Variants in PACSIN2 observed in about 807,000 individuals in gnomAD.
PACSIN2 encodes the protein protein kinase C and casein kinase substrate in neurons protein 2.
Under a neutral mutation model 63.8 loss-of-function variants are expected in PACSIN2, and 25 were observed. The observed-to-expected ratio is 0.39, with a 90% CI of 0.29 to 0.55. The LOEUF (loss-of-function observed/expected upper bound fraction) is 0.55. PACSIN2 is among the 20% of genes least tolerant of loss of function. PACSIN2 has a pLI of 0.62. For missense variants in PACSIN2, 518 were observed against 646.9 expected (o/e 0.80, Z 2.16); for synonymous variants, 255 against 256.2 (o/e 1.00, Z 0.05).
intron 1 of PACSIN2, among the ~76,000 whole-genome samples, chr22:42,955,304 C>CG: frequency 1.3e-5 from 2 of 152,120 alleles, no homozygotes; most frequent in African/African-American, 4.8e-5. Flanking sequence ...AATGAACAAA[C>CG]AAACGAACGA....
chr22:43,011,480 C>T (rs1365634427), intron 1 of PACSIN2, among the ~76,000 whole-genome samples: 5 of 152,220 alleles, frequency 3.3e-5, no homozygotes, highest in Non-Finnish European at 5.9e-5. Flanking sequence ...GGTGCCATCA[C>T]TATTATTAAA....
chr22:42,924,766 T>C (rs551690545), intron 1 of PACSIN2, among the ~76,000 whole-genome samples: 106 of 151,548 alleles, frequency 7.0e-4, no homozygotes, highest in African/African-American at 2.4e-3. Flanking sequence ...TTTCTTTTTT[T>C]TTTTTTTCGA....
chr22:42,904,274 T>A (rs1490231316), intron 2 of PACSIN2, among the ~76,000 whole-genome samples: 2 of 152,348 alleles, frequency 1.3e-5, no homozygotes, highest in East Asian at 3.9e-4. Context: ...GGCGTTCACA[T>A]GCACAGCATA....
In PACSIN2 at chr22:42,982,880, A is replaced by AC. The variant is rs1365408766; in HGVS notation, c.-78+32140_-78+32141insG. Among the ~76,000 whole-genome samples, 792 of 134,068 alleles carry AC rather than the reference A, an allele frequency of 5.9e-3. 45 individuals carry two copies. Among genetic ancestry groups the AC allele is most frequent in the African/African-American group, 0.021 (744 of 34,892 alleles). 88.0% of individuals were successfully genotyped at this position (134,068 alleles called of 152,430 possible). A position where few individuals can be genotyped will look rare whatever the true frequency, so the allele number is the denominator to read the frequency against. On this transcript the variant is annotated intron_variant, in intron 1 of 10. Coordinates refer to ENST00000263246, the MANE Select transcript of PACSIN2 (RefSeq NM_001184970.3). ...CAAAGAATGATCAATAAAAAAAAAA[A>AC]AAAAAAAAAACAACAACAAGGCTAG...
intron 10 of PACSIN2, among the ~76,000 whole-genome samples, chr22:42,875,049 A>G (rs1928497894): frequency 6.6e-6 from 1 of 151,604 alleles, no homozygotes; most frequent in African/African-American, 2.4e-5. Context: ...ACGGGGTTTC[A>G]CACTCTTAGC....
intron 1 of PACSIN2, among the ~76,000 whole-genome samples, chr22:42,953,504 G>A (rs58586262): frequency 0.026 from 3,905 of 152,260 alleles, 166 homozygotes; most frequent in African/African-American, 0.09. Flanking sequence ...AAACGTAACA[G>A]CATTATTAGC....
chr22:42,989,367 G>A lies in PACSIN2; in HGVS notation c.-78+25654C>T, dbSNP rs148175677. 1.4e-4 allele frequency among the ~76,000 whole-genome samples: 21 copies of A among 151,886 alleles called. No homozygotes were observed. The East Asian group carries it at 3.9e-3, about 28-fold the overall frequency. The stretch of plus-strand genomic sequence containing the variant: ...CAAAAAATTAGCTGGGTGTGGTGGT[G>A]GATGCCTGTAATCCCAGCTACTAAG... On this transcript the variant is annotated intron_variant, in intron 1 of 10. Transcript: ENST00000263246.
intron 1 of PACSIN2, among the ~76,000 whole-genome samples, chr22:42,974,594 C>A (rs942311780): frequency 4.6e-5 from 7 of 151,768 alleles, no homozygotes; most frequent in African/African-American, 1.7e-4. Context: ...ATTAAAAATA[C>A]AAAAATTAGC....
chr22:42,884,702 T>C, intron 5 of PACSIN2, 141 bp from the exon 6 acceptor site: 1 of 642,942 alleles, frequency 1.6e-6, no homozygotes, highest in Non-Finnish European at 2.7e-6. Context: ...GACTTCAAGT[T>C]CAAGTCCCAG....
chr22:43,012,251 A>C (rs5751412), intron 1 of PACSIN2, among the ~76,000 whole-genome samples: 1 of 148,396 alleles, frequency 6.7e-6, no homozygotes, highest in South Asian at 2.1e-4. Flanking sequence ...TGTAATCCCA[A>C]CTACTGAGGA....
intron 1 of PACSIN2, among the ~76,000 whole-genome samples, chr22:42,936,860 G>A (rs1251688220): frequency 7.3e-6 from 1 of 136,144 alleles, no homozygotes; most frequent in African/African-American, 2.7e-5. Context: ...GCAGTGAGCC[G>A]AGATCATGCC....
intron 3 of PACSIN2, among the ~76,000 whole-genome samples, chr22:42,892,095 T>C (rs1350128033): frequency 6.6e-6 from 1 of 152,146 alleles, no homozygotes; most frequent in Non-Finnish European, 1.5e-5. Flanking sequence ...CAGGAGGGGC[T>C]GAGTCGCCTC....
chr22:42,909,534 G>A (rs537542260), intron 2 of PACSIN2: 8 of 471,092 alleles, frequency 1.7e-5, no homozygotes, highest in Non-Finnish European at 2.6e-5. Flanking sequence ...TGGAGAAGGC[G>A]GACGACCACA....
chr22:42,920,005 A>C (rs1932080542), intron 1 of PACSIN2, among the ~76,000 whole-genome samples: 2 of 151,520 alleles, frequency 1.3e-5, no homozygotes, highest in Admixed American at 1.3e-4. Context: ...CTACTCAAGA[A>C]GCTGAGGTGG....
chr22:42,906,478 G>C (rs2146708509), intron 2 of PACSIN2, among the ~76,000 whole-genome samples: 1 of 152,306 alleles, frequency 6.6e-6, no homozygotes. Flanking sequence ...AGCCAAACAT[G>C]GCCAAGACAA....
At chr22:42,894,442 C>T (rs1347992720) in intron 2 of PACSIN2, among the ~76,000 whole-genome samples, 2 of 152,168 alleles carry the variant, frequency 1.3e-5, no homozygotes, top group Non-Finnish European at 2.9e-5. Context: ...AGGGTTTCAC[C>T]ATGTTGGCCA....
At chr22:42,984,798 A>C (rs1922492140) in intron 1 of PACSIN2, among the ~76,000 whole-genome samples, 1 of 152,196 alleles carries the variant, frequency 6.6e-6, no homozygotes, top group Non-Finnish European at 1.5e-5. Flanking sequence ...GACTAAGAGC[A>C]CAGGTCTTCC....
intron 1 of PACSIN2, among the ~76,000 whole-genome samples, chr22:42,987,494 C>CACACACACACACACACACACA (rs769969045): frequency 7.4e-5 from 5 of 67,976 alleles, no homozygotes; most frequent in African/African-American, 1.8e-4. Flanking sequence ...ACACACACAC[C>CACACACACACACACACACACA]CATGGCACCA....
At chr22:42,985,653 G>T (rs1569353306) in intron 1 of PACSIN2, among the ~76,000 whole-genome samples, 1 of 152,106 alleles carries the variant, frequency 6.6e-6, no homozygotes, top group Non-Finnish European at 1.5e-5. Context: ...CCCTCCAACA[G>T]ACACACACAC....
Sources: gnomAD v4.1 joint callset for allele counts (sites outside exome capture counted in the v4.1 genomes callset) on GRCh38, gnomAD v4.1.1 for gene constraint, MANE v1.5 for transcripts, NCBI Gene and HGNC (gene_info 2026-07-23, HGNC 2026-07-21) for gene names.